The following ALK variants were observed in gnomAD, a reference collection of about 807,000 sequenced individuals.
ALK encodes the protein ALK tyrosine kinase receptor.
In ALK, 74 loss-of-function variants were observed where a neutral mutation model predicts 163.1. The ratio of observed to expected loss-of-function variants is 0.45; its 90% confidence interval spans 0.38 to 0.55. The LOEUF (loss-of-function observed/expected upper bound fraction) is 0.55. Among genes scored for constraint, ALK ranks in the 20% least tolerant of loss-of-function variants. The pLI is 0.00. For synonymous variants in ALK, 960 were observed against 843.2 expected, an observed-to-expected ratio of 1.14 and a Z score of -2.40; for missense variants, 2,063 against 2,105.3, an observed-to-expected ratio of 0.98 and a Z score of 0.39.
chr2:29,408,240 AC>A (rs1209670828), intron 4 of ALK, among the ~76,000 whole-genome samples: 2 of 148,928 alleles, frequency 1.3e-5, no homozygotes, highest in Non-Finnish European at 1.5e-5. Context: ...GTGCCACCAC[AC>A]CTGGCTATTT....
At chr2:29,195,937 C>T (rs985802946) in intron 28 of ALK, among the ~76,000 whole-genome samples, 1 of 152,056 alleles carries the variant, frequency 6.6e-6, no homozygotes. Context: ...GACGGGAAGG[C>T]AGGTGGTGAG....
chr2:29,531,647 A>C (rs2148158127), intron 4 of ALK, among the ~76,000 whole-genome samples: 1 of 152,206 alleles, frequency 6.6e-6, no homozygotes, highest in Non-Finnish European at 1.5e-5. Flanking sequence ...TGGGAAATGA[A>C]CATCTTTAAC....
At chr2:29,305,215 T>A (rs1284845790) in intron 8 of ALK, among the ~76,000 whole-genome samples, 1 of 152,160 alleles carries the variant, frequency 6.6e-6, no homozygotes, top group Admixed American at 6.5e-5. Flanking sequence ...AGGGGGCGAT[T>A]TTCCTGCAGC....
At chr2:29,362,463 A>G (rs2148287412) in intron 5 of ALK, among the ~76,000 whole-genome samples, 1 of 152,302 alleles carries the variant, frequency 6.6e-6, no homozygotes, top group South Asian at 2.1e-4. Flanking sequence ...CAAGGTGTGG[A>G]AAGACCCTCC....
intron 1 of ALK, among the ~76,000 whole-genome samples, chr2:29,756,652 G>A (rs535522265): frequency 2.6e-4 from 40 of 151,448 alleles, no homozygotes; most frequent in African/African-American, 9.5e-4. Flanking sequence ...TCAGCCTCCT[G>A]AGTAGTTGGG....
At chr2:29,566,178 G>A (rs1379280811) in intron 3 of ALK, among the ~76,000 whole-genome samples, 1 of 152,164 alleles carries the variant, frequency 6.6e-6, no homozygotes, top group Non-Finnish European at 1.5e-5. Flanking sequence ...ATTTATTTCT[G>A]CATGTTCGCG....
intron 3 of ALK, among the ~76,000 whole-genome samples, chr2:29,617,787 C>T (rs981310606): frequency 4.6e-5 from 7 of 152,160 alleles, no homozygotes; most frequent in South Asian, 2.1e-4. Context: ...AAGTCTTCCT[C>T]GCCATTCTAA....
intron 3 of ALK, among the ~76,000 whole-genome samples, chr2:29,618,935 C>T (rs959739910): frequency 3.3e-5 from 5 of 151,750 alleles, no homozygotes; most frequent in Non-Finnish European, 4.4e-5. Flanking sequence ...GCTGAGATTG[C>T]GCCACTGCAC....
intron 3 of ALK, among the ~76,000 whole-genome samples, chr2:29,686,931 A>G (rs1322484474): frequency 6.6e-6 from 1 of 152,132 alleles, no homozygotes; most frequent in Non-Finnish European, 1.5e-5. Context: ...GTGATTGCTC[A>G]AGGGTCCAGA....
intron 4 of ALK, among the ~76,000 whole-genome samples, chr2:29,441,562 G>A (rs1214899894): frequency 6.6e-6 from 1 of 152,168 alleles, no homozygotes; most frequent in African/African-American, 2.4e-5. Flanking sequence ...TGTAGGGCTT[G>A]GAGAAATGGC....
chr2:29,449,512 A>G (rs1320974424), intron 4 of ALK, among the ~76,000 whole-genome samples: 1 of 152,178 alleles, frequency 6.6e-6, no homozygotes, highest in Non-Finnish European at 1.5e-5. Flanking sequence ...GCCTCCATTA[A>G]TGTGGGCTCT....
intron 1 of ALK, among the ~76,000 whole-genome samples, chr2:29,742,942 C>T (rs1680101794): frequency 1.3e-5 from 2 of 152,234 alleles, no homozygotes; most frequent in South Asian, 4.1e-4. Flanking sequence ...ACAAACACTT[C>T]TTGTACTTTG....
At position 29,382,767 on chromosome 2, in the gene ALK, CT is replaced by C. The variant is rs1558300339; in HGVS notation, c.1282+964del. 3.3e-5 allele frequency among the ~76,000 whole-genome samples: 5 copies of C among 152,228 alleles called. No individual in the cohort carries two copies. The South Asian group carries it at 1.0e-3, about 32-fold the overall frequency. On this transcript the variant is annotated intron_variant, in intron 5 of 28. Coordinates refer to ENST00000389048, the MANE Select transcript of ALK (RefSeq NM_004304.5). ...TTGCCTCATATCATAGGTTAACCAC[CT>C]TTTCAACTTGAACTGTGGTTCAATC...
At chr2:29,736,027 AC>A (rs1679882403) in intron 1 of ALK, among the ~76,000 whole-genome samples, 1 of 151,964 alleles carries the variant, frequency 6.6e-6, no homozygotes, top group Non-Finnish European at 1.5e-5. Context: ...CTTGCTCAAG[AC>A]CCCAAGCCAG....
At chr2:29,791,639 A>T (rs1454061042) in intron 1 of ALK, among the ~76,000 whole-genome samples, 1 of 152,062 alleles carries the variant, frequency 6.6e-6, no homozygotes, top group African/African-American at 2.4e-5. Flanking sequence ...AAAAATATAT[A>T]TATATATATT....
intron 11 of ALK, among the ~76,000 whole-genome samples, chr2:29,269,561 G>A (rs931089480): frequency 6.6e-6 from 1 of 152,180 alleles, no homozygotes; most frequent in African/African-American, 2.4e-5. Flanking sequence ...GGAGGGCGCC[G>A]AACGTGCTGC....
intron 1 of ALK, among the ~76,000 whole-genome samples, chr2:29,771,991 G>A (rs1681042932): frequency 6.6e-6 from 1 of 152,172 alleles, no homozygotes; most frequent in South Asian, 2.1e-4. Flanking sequence ...AGTACCATTT[G>A]GACACTAAAA....
intron 3 of ALK, among the ~76,000 whole-genome samples, chr2:29,551,335 A>G (rs1673708240): frequency 6.6e-6 from 1 of 152,204 alleles, no homozygotes; most frequent in Non-Finnish European, 1.5e-5. Context: ...TCTCTGGAAG[A>G]ATAGGTGAGG....
At chr2:29,640,566 GGCCACATTCCTGTACA>G (rs1676673850) in intron 3 of ALK, among the ~76,000 whole-genome samples, 1 of 152,170 alleles carries the variant, frequency 6.6e-6, no homozygotes, top group Non-Finnish European at 1.5e-5. Flanking sequence ...AAGCTGGACA[GGCCACATTCCTGTACA>G]GCCTGCAGAA....
Sources: allele counts gnomAD v4.1 joint callset (sites outside exome capture counted in the v4.1 genomes callset), GRCh38; gene constraint gnomAD v4.1.1; transcripts MANE v1.5; gene names NCBI Gene and HGNC (gene_info 2026-07-23, HGNC 2026-07-21).